The following DIP2C variants were observed in gnomAD, a reference collection of about 807,000 sequenced individuals.
DIP2C encodes the protein DIP2 acetate--CoA ligase C (putative), also known as disco-interacting protein 2 homolog C.
DIP2C carries 33 observed loss-of-function variants against 192.4 expected under a neutral mutation model. That is an observed-to-expected ratio of 0.17 (90% CI 0.13 to 0.23). DIP2C has a LOEUF of 0.23. DIP2C is among the 10% of genes least tolerant of loss of function. The probability of loss-of-function intolerance (pLI) is 1.00; values close to 1 mark genes in which losing one functional copy is unlikely to be tolerated. For synonymous variants in DIP2C, 979 were observed against 864.1 expected (o/e 1.13, Z -2.33); for missense variants, 1,537 against 2,110.1 (o/e 0.73, Z 5.32).
At chr10:663,672 G>C (rs1041304891) in intron 1 of DIP2C, 8 of 152,262 alleles carry the variant, frequency 5.3e-5, no homozygotes, top group African/African-American at 1.9e-4. Context: ...GACAGATCCG[G>C]AAGCTTGTCT....
rs141068172 is a variant in DIP2C, at chr10:518,954, A to C, written c.86-32424T>G. Among the ~76,000 whole-genome samples the C allele has an allele frequency of 6.8e-3, 1,041 of 152,334 alleles. 15 individuals carry two copies. Among genetic ancestry groups the C allele is most frequent in the African/African-American group, 0.023 (956 of 41,574 alleles). ...TGCCCACTTCCATGGTGGCCGTGTCAAACTCCCCATGCCAGCTCTGCATCT... is the reference window on the plus strand; with the variant it reads ...TGCCCACTTCCATGGTGGCCGTGTCCAACTCCCCATGCCAGCTCTGCATCT... On this transcript the variant is annotated intron_variant, in intron 1 of 36. Transcript: ENST00000280886.
intron 1 of DIP2C, among the ~76,000 whole-genome samples, chr10:610,467 A>G (rs1054520501): frequency 6.6e-6 from 1 of 152,276 alleles, no homozygotes; most frequent in African/African-American, 2.4e-5. Flanking sequence ...AGCACAAGGA[A>G]AAGAAAATGT....
intron 36 of DIP2C, among the ~76,000 whole-genome samples, chr10:278,040 G>T (rs979193259): frequency 1.1e-4 from 16 of 152,098 alleles, no homozygotes; most frequent in African/African-American, 3.9e-4. Flanking sequence ...GAGGGCAGGG[G>T]TGCCTACTCC....
At chr10:542,449 C>A (rs1216307710) in intron 1 of DIP2C, among the ~76,000 whole-genome samples, 2 of 152,226 alleles carry the variant, frequency 1.3e-5, no homozygotes, top group Non-Finnish European at 2.9e-5. Flanking sequence ...GTCAAAGAGG[C>A]AGGACCCACC....
chr10:641,508 C>T lies in DIP2C; in HGVS notation c.85+47986G>A, dbSNP rs184656682. Among the ~76,000 whole-genome samples, 19 of 152,308 alleles carry T rather than the reference C, an allele frequency of 1.2e-4. No individual in the cohort carries two copies. In the East Asian group the frequency reaches 3.3e-3, roughly 26 times the overall value. On this transcript the variant is annotated intron_variant, in intron 1 of 36. Coordinates refer to ENST00000280886, the MANE Select transcript of DIP2C (RefSeq NM_014974.3). ...CCTCATGAAGATGATACTCACACAA[C>T]GCCCCTCCTCTCCCACCTGGTCAGT...
chr10:588,734 G>T (rs1027607563), intron 1 of DIP2C, among the ~76,000 whole-genome samples: 1 of 152,168 alleles, frequency 6.6e-6, no homozygotes, highest in South Asian at 2.1e-4. Flanking sequence ...GGAGGGTGGT[G>T]CCTGAACTGC....
intron 1 of DIP2C, among the ~76,000 whole-genome samples, chr10:654,361 G>A (rs1856145694): frequency 2.0e-5 from 3 of 152,196 alleles, no homozygotes; most frequent in Admixed American, 1.3e-4. Context: ...TTAGGTGCAG[G>A]ATGATCTGGC....
At chr10:650,286 T>C (rs780799140) in intron 1 of DIP2C, 2 of 716,722 alleles carry the variant, frequency 2.8e-6, no homozygotes, top group African/African-American at 1.7e-5. Flanking sequence ...TGGATGCGAT[T>C]TCAGGGCCAG....
At chr10:416,851 C>T (rs2133115420) in intron 6 of DIP2C, among the ~76,000 whole-genome samples, 1 of 152,264 alleles carries the variant, frequency 6.6e-6, no homozygotes, top group East Asian at 1.9e-4. Context: ...GCAGGGGTCT[C>T]TGTAGGTGCA....
At chr10:637,012 G>A (rs1041212959) in intron 1 of DIP2C, among the ~76,000 whole-genome samples, 2 of 152,250 alleles carry the variant, frequency 1.3e-5, no homozygotes, top group African/African-American at 4.8e-5. Context: ...ACCTGGAGGG[G>A]CCGCGGGCAG....
At position 689,380 on chromosome 10, in the gene DIP2C, A is replaced by T; in HGVS notation, c.85+114T>A. ...CGCGCACGCTCCGGGCTGGGGTCGCACCTCCCCCTCCGGGCCCGGCCCCCG... is the reference window on the plus strand; with the variant it reads ...CGCGCACGCTCCGGGCTGGGGTCGCTCCTCCCCCTCCGGGCCCGGCCCCCG... On this transcript the variant is annotated intron_variant, in intron 1 of 36. Transcript: ENST00000280886. This position sits in a 1 kb window ranked among gnomAD's most constrained non-coding sequence, Gnocchi z 6.1. 1 of 522,056 alleles carries T rather than the reference A, an allele frequency of 1.9e-6. No homozygotes were observed. Among genetic ancestry groups the T allele is most frequent in the Non-Finnish European group, 2.5e-6 (1 of 406,594 alleles). 32.3% of individuals were successfully genotyped at this position (522,056 alleles called of 1,614,324 possible).
At chr10:367,731 G>GT (rs1960444496) in intron 18 of DIP2C, among the ~76,000 whole-genome samples, 1 of 152,222 alleles carries the variant, frequency 6.6e-6, no homozygotes, top group Admixed American at 6.5e-5. Context: ...CCCCCACAAG[G>GT]TAGCACTGTG....
Position 608,234 on chromosome 10 carries a change from GC to G in DIP2C, c.85+81259del, listed in dbSNP as rs1160571636. Among the ~76,000 whole-genome samples, 7 of 5,420 alleles carry G rather than the reference GC, an allele frequency of 1.3e-3. 1 individual carries two copies. The highest frequency in any genetic ancestry group is 0.012 in the African/African-American group (4 of 332). 3.6% of individuals were successfully genotyped at this position (5,420 alleles called of 152,430 possible). Reference sequence around the variant, plus strand: ...CAGCCCCCCCACACACACCCCCACAGCCCCCCCCACACACACCCCCACAGCC... The same window carrying G: ...CAGCCCCCCCACACACACCCCCACAGCCCCCCCACACACACCCCCACAGCC... On this transcript the variant is annotated intron_variant, in intron 1 of 36. Coordinates refer to ENST00000280886, the MANE Select transcript of DIP2C (RefSeq NM_014974.3).
At chr10:536,381 C>T (rs537493227) in intron 1 of DIP2C, among the ~76,000 whole-genome samples, 59 of 151,242 alleles carry the variant, frequency 3.9e-4, no homozygotes, top group African/African-American at 1.2e-3. Context: ...ATCACAGTCC[C>T]GGGGGCTAGA....
rs563177518 is a variant in DIP2C, at chr10:494,848, A to G, written c.86-8318T>C. Among the ~76,000 whole-genome samples, 4 of 152,346 alleles carry G rather than the reference A, an allele frequency of 2.6e-5. No homozygotes were observed. In the South Asian group the frequency reaches 8.3e-4, roughly 32 times the overall value. On this transcript the variant is annotated intron_variant, in intron 1 of 36. Transcript: ENST00000280886. ...GCATGGAGCATCTTCCAAAACTAGA[A>G]ACAGGACTCTATGATCCAGCAATCC...
intron 3 of DIP2C, among the ~76,000 whole-genome samples, chr10:469,547 A>T (rs371336553): frequency 6.6e-6 from 1 of 151,952 alleles, no homozygotes; most frequent in East Asian, 1.9e-4. Flanking sequence ...GAACTCCTGA[A>T]CTCAAGTGAT....
At chr10:532,253 C>T (rs1847412431) in intron 1 of DIP2C, among the ~76,000 whole-genome samples, 1 of 152,124 alleles carries the variant, frequency 6.6e-6, no homozygotes, top group South Asian at 2.1e-4. Context: ...CACTCATGTC[C>T]CGGAAAGCCC....
chr10:658,290 CCTGTCCCTGG>C (rs1564315390), intron 1 of DIP2C, among the ~76,000 whole-genome samples: 2 of 147,796 alleles, frequency 1.4e-5, no homozygotes, highest in African/African-American at 5.2e-5. Flanking sequence ...TGCCCCTGGA[CCTGTCCCTGG>C]ACCTGCCGCT....
At chr10:621,497 A>AC (rs921045995) in intron 1 of DIP2C, among the ~76,000 whole-genome samples, 2 of 145,610 alleles carry the variant, frequency 1.4e-5, no homozygotes, top group African/African-American at 2.6e-5. Flanking sequence ...ATGAGCACAC[A>AC]CCCCCCAGGG....
Sources: allele counts gnomAD v4.1 joint callset (sites outside exome capture counted in the v4.1 genomes callset), GRCh38; gene constraint gnomAD v4.1.1; non-coding constraint Gnocchi (gnomAD v3.1); transcripts MANE v1.5; gene names NCBI Gene and HGNC (gene_info 2026-07-23, HGNC 2026-07-21).